Variants in PRLR observed in about 807,000 individuals in gnomAD.
PRLR encodes hPRL receptor.
In PRLR, 13 loss-of-function variants were observed where a neutral mutation model predicts 40.2. That is an observed-to-expected ratio of 0.32 (90% CI 0.21 to 0.51). The LOEUF is 0.51. Ranked by LOEUF, PRLR falls within the 20% of genes least tolerant of loss-of-function variation. The pLI, the probability that PRLR is intolerant of heterozygous loss-of-function variation, is 0.97. For missense variants in PRLR, 656 were observed against 747.3 expected, an observed-to-expected ratio of 0.88 and a Z score of 1.42; for synonymous variants, 269 against 278.7, an observed-to-expected ratio of 0.97 and a Z score of 0.35.
rs755065084 is a variant in PRLR at position 35,180,550 on chromosome 5, C to T, written c.-106+49718G>A. ...ATGCTTCCTGTATAGCCTGCAGAAC[C>T]GTGAGCCAATTAAACCTCTTTTCTT... On this transcript the variant is annotated intron_variant, in intron 1 of 9. Transcript: ENST00000618457. Among the ~76,000 whole-genome samples the T allele has an allele frequency of 6.6e-5, 10 of 152,084 alleles. No individual in the cohort carries two copies. The East Asian group carries it at 9.6e-4, about 15-fold the overall frequency.
chr5:35,110,188 T>C (rs191361645), intron 2 of PRLR, among the ~76,000 whole-genome samples: 198 of 151,644 alleles, frequency 1.3e-3, no homozygotes, highest in African/African-American at 4.6e-3. Flanking sequence ...GGACACAGGG[T>C]GGGGAACAAC....
At chr5:35,084,103 C>T (rs1375612667) in intron 5 of PRLR, among the ~76,000 whole-genome samples, 1 of 152,122 alleles carries the variant, frequency 6.6e-6, no homozygotes, top group African/African-American at 2.4e-5. Flanking sequence ...CATGGAGCAG[C>T]TCTGTCTTCC....
rs56251626 is a variant in PRLR at position 35,064,922 on chromosome 5, C to G, written c.*167G>C. 0.014 allele frequency: 10,092 copies of G among 698,114 alleles called. 89 individuals are homozygous for G. The highest frequency in any genetic ancestry group is 0.017 in the Non-Finnish European group (7,224 of 426,726). The allele number at this position is 698,114 out of a possible 1,614,324, so 43.2% of individuals were successfully genotyped here. On this transcript the variant is annotated 3_prime_UTR_variant, in exon 10 of 10. Coordinates refer to ENST00000618457, the MANE Select transcript of PRLR (RefSeq NM_000949.7). ...CAGTTAGGAAACATAATGATTTGTT[C>G]TGGAATCAGCTGCTGGAGAAAGAGG...
rs578093555 is a variant in PRLR at position 35,058,398 on chromosome 5, C to G, written c.*6691G>C. 6.6e-6 allele frequency: 1 copy of G among 152,286 alleles called. No individual in the cohort carries two copies. The highest frequency in any genetic ancestry group is 6.5e-5 in the Admixed American group (1 of 15,290). The allele number at this position is 152,286 out of a possible 1,614,324, so 9.4% of individuals were successfully genotyped here. On this transcript the variant is annotated 3_prime_UTR_variant, in exon 10 of 10. Coordinates refer to ENST00000618457, the MANE Select transcript of PRLR (RefSeq NM_000949.7). ...CAATTGTTTAAAATGAACGATGAAG[C>G]ACAAAATCCAGCCTCATTATGCAAA...
chr5:35,134,028 T>A (rs1032694899), intron 1 of PRLR, among the ~76,000 whole-genome samples: 10 of 152,240 alleles, frequency 6.6e-5, no homozygotes, highest in Middle Eastern at 3.4e-3. Flanking sequence ...CTCTGGGGAC[T>A]TGGGGAAAGG....
intron 5 of PRLR, among the ~76,000 whole-genome samples, chr5:35,075,500 G>A (rs1460864403): frequency 6.6e-6 from 1 of 152,196 alleles, no homozygotes; most frequent in East Asian, 1.9e-4. Context: ...AGGGGTGTCT[G>A]CCATTCCTGA....
chr5:35,111,568 T>C (rs968430360), intron 2 of PRLR, among the ~76,000 whole-genome samples: 2 of 152,204 alleles, frequency 1.3e-5, no homozygotes, highest in African/African-American at 2.4e-5. Context: ...CTCCTACTTC[T>C]AGAATCCAAT....
intron 1 of PRLR, among the ~76,000 whole-genome samples, chr5:35,178,481 A>C (rs1775206953): frequency 6.6e-6 from 1 of 152,212 alleles, no homozygotes; most frequent in Non-Finnish European, 1.5e-5. Context: ...CAAAATGTAC[A>C]CTGTATGTTC....
At chr5:35,219,078 G>A (rs925632241) in intron 1 of PRLR, among the ~76,000 whole-genome samples, 2 of 152,164 alleles carry the variant, frequency 1.3e-5, no homozygotes, top group Non-Finnish European at 2.9e-5. Context: ...TGGTTTAGAT[G>A]TGAGGCCTTC....
At chr5:35,075,138 G>A (rs1274639816) in intron 5 of PRLR, among the ~76,000 whole-genome samples, 2 of 152,166 alleles carry the variant, frequency 1.3e-5, no homozygotes, top group South Asian at 2.1e-4. Flanking sequence ...CACAGAAGAC[G>A]GGTGATTTCT....
At chr5:35,175,409 C>T (rs748547552) in intron 1 of PRLR, among the ~76,000 whole-genome samples, 3 of 152,180 alleles carry the variant, frequency 2.0e-5, no homozygotes, top group African/African-American at 7.2e-5. Context: ...GTCCATTACA[C>T]CTGTTTCTTT....
chr5:35,194,634 C>A (rs1377314151), intron 1 of PRLR, among the ~76,000 whole-genome samples: 2 of 152,184 alleles, frequency 1.3e-5, no homozygotes, highest in Admixed American at 1.3e-4. Context: ...ATGGAGGAAG[C>A]TTAAAAGCAT....
In PRLR at chr5:35,065,661, T is replaced by C. The variant is rs1271126819; in HGVS notation, c.1297A>G (p.Ile433Val). ...QHNPRSSYHNITDVCELAVGP... is the reference protein window; with the variant it reads ...QHNPRSSYHNVTDVCELAVGP... Reference sequence around the variant, plus strand: ...ACAGCCAGCTCACACACATCAGTAATATTGTGGTAAGAGGATCTGGGGTTG... The same window carrying C: ...ACAGCCAGCTCACACACATCAGTAACATTGTGGTAAGAGGATCTGGGGTTG... The change falls in exon 10 of 10, where the codon ATT becomes GTT. Residue 433 changes from isoleucine to valine, a missense_variant. Physicochemically the swap from Ile to Val is conservative, Grantham distance 29 (BLOSUM62 3). Coordinates refer to ENST00000618457, the MANE Select transcript of PRLR (RefSeq NM_000949.7). 1.9e-6 allele frequency: 3 copies of C among 1,613,974 alleles called. No individual in the cohort carries two copies. Among genetic ancestry groups the C allele is most frequent in the South Asian group, 2.2e-5 (2 of 91,076 alleles).
chr5:35,089,255 C>T (rs762148286), intron 3 of PRLR, among the ~76,000 whole-genome samples: 14 of 152,314 alleles, frequency 9.2e-5, no homozygotes, highest in Non-Finnish European at 1.9e-4. Flanking sequence ...CTAGGTCACA[C>T]AGCTAGAAAC....
intron 1 of PRLR, among the ~76,000 whole-genome samples, chr5:35,168,461 T>C (rs1360430551): frequency 2.0e-5 from 3 of 152,068 alleles, no homozygotes; most frequent in Admixed American, 1.3e-4. Flanking sequence ...ATCATAACAT[T>C]GTTTCAGCAA....
intron 1 of PRLR, among the ~76,000 whole-genome samples, chr5:35,208,169 ACG>A (rs5867273): frequency 0.62 from 88,462 of 143,374 alleles, 26,926 homozygotes; most frequent in Non-Finnish European, 0.69. Context: ...TCACACACCC[ACG>A]CGCGCGCACA....
intron 1 of PRLR, among the ~76,000 whole-genome samples, chr5:35,222,800 C>T (rs1286142931): frequency 1.3e-5 from 2 of 152,220 alleles, no homozygotes; most frequent in Non-Finnish European, 2.9e-5. Flanking sequence ...TCACCTTCAT[C>T]ACCAGCTAGT....
intron 1 of PRLR, among the ~76,000 whole-genome samples, chr5:35,226,876 T>C (rs943105367): frequency 2.0e-5 from 3 of 152,222 alleles, no homozygotes; most frequent in Non-Finnish European, 2.9e-5. Context: ...TGTGTCTCAT[T>C]CCCCACTGTG....
intron 2 of PRLR, among the ~76,000 whole-genome samples, chr5:35,105,894 C>T (rs1459105116): frequency 6.6e-6 from 1 of 152,192 alleles, no homozygotes; most frequent in African/African-American, 2.4e-5. Context: ...AGATACTCCT[C>T]GAGAAGAGCA....
Sources: gnomAD v4.1 joint callset for allele counts (sites outside exome capture counted in the v4.1 genomes callset) on GRCh38, gnomAD v4.1.1 for gene constraint, MANE v1.5 for transcripts, NCBI Gene and HGNC (gene_info 2026-07-23, HGNC 2026-07-21) for gene names.